DUSP22: variants seen among roughly 807,000 people sequenced by gnomAD.
The protein encoded by DUSP22 is dual specificity phosphatase 22.
In DUSP22, 24 loss-of-function variants were observed where a neutral mutation model predicts 24.5. That is an observed-to-expected ratio of 0.98 (90% CI 0.71 to 1.38). DUSP22 has a LOEUF of 1.38. Ranked by LOEUF, DUSP22 falls within the 40% of genes most tolerant of loss-of-function variation. The pLI is 0.00. For synonymous variants in DUSP22, 160 were observed against 106.4 expected (o/e 1.50, Z -3.10); for missense variants, 330 against 269.2 (o/e 1.23, Z -1.58).
At chr6:309,383 A>G (rs1757963896) in intron 2 of DUSP22, among the ~76,000 whole-genome samples, 1 of 152,306 alleles carries the variant, frequency 6.6e-6, no homozygotes, top group African/African-American at 2.4e-5. Context: ...ACTTAGGCAA[A>G]ATACTTGAAA....
In DUSP22 at chr6:351,250, G is replaced by A; in HGVS notation, c.*2299G>A. 4.3e-6 allele frequency: 1 copy of A among 233,550 alleles called. No homozygotes were observed. The highest frequency in any genetic ancestry group is 8.3e-6 in the Non-Finnish European group (1 of 119,926). The allele number at this position is 233,550 out of a possible 1,614,324, so 14.5% of individuals were successfully genotyped here. A position where few individuals can be genotyped will look rare whatever the true frequency, so the allele number is the denominator to read the frequency against. On this transcript the variant is annotated 3_prime_UTR_variant, in exon 7 of 7. Transcript: ENST00000419235. ...TGTGTTCTCAAATTCCCCAGCTTGG[G>A]AAATAGCCCTTGGTGTGGGTTTTAT...
In DUSP22 at chr6:292,523, G is replaced by T. The variant is rs1485892647; in HGVS notation, c.-17G>T. On this transcript the variant is annotated 5_prime_UTR_variant, in exon 1 of 7. Coordinates refer to ENST00000419235, the MANE Select transcript of DUSP22 (RefSeq NM_001286555.3). ...GCGACCACACGGCCGGGGCGCTAGC[G>T]TTCGCCTTCAGCCACCATGGGGAAT... 2.5e-6 allele frequency: 4 copies of T among 1,604,918 alleles called. No homozygotes were observed. In the Admixed American group the frequency reaches 5.1e-5, roughly 20 times the overall value.
chr6:315,502 T>G (rs1445678036), intron 3 of DUSP22, among the ~76,000 whole-genome samples: 4 of 152,304 alleles, frequency 2.6e-5, no homozygotes, highest in African/African-American at 7.2e-5. Context: ...CTCTGTTCTC[T>G]CCTAGCACGA....
chr6:342,204 GT>G (rs1259167236), intron 4 of DUSP22, among the ~76,000 whole-genome samples: 1 of 152,308 alleles, frequency 6.6e-6, no homozygotes, highest in Non-Finnish European at 1.5e-5. Flanking sequence ...GTGCTCTGTG[GT>G]TTTTCATTTA....
chr6:338,121 C>G (rs1759445423), intron 4 of DUSP22: 1 of 152,450 alleles, frequency 6.6e-6, no homozygotes, highest in Admixed American at 6.5e-5. Context: ...GAGTCATGCT[C>G]TTGTGTGATT....
chr6:310,598 C>T (rs1758037892), intron 2 of DUSP22, among the ~76,000 whole-genome samples: 1 of 152,298 alleles, frequency 6.6e-6, no homozygotes, highest in African/African-American at 2.4e-5. Context: ...AACCACAGTC[C>T]TGTCTGAATC....
chr6:292,612 C>G (rs568297421), intron 1 of DUSP22, 52 bp downstream of exon 1: 3 of 1,570,494 alleles, frequency 1.9e-6, no homozygotes, highest in African/African-American at 2.8e-5. Context: ...GACGCCCTGC[C>G]GTCTCGCCGG....
At chr6:329,033 T>C (rs1166204827) in intron 3 of DUSP22, among the ~76,000 whole-genome samples, 2 of 152,308 alleles carry the variant, frequency 1.3e-5, no homozygotes, top group African/African-American at 4.8e-5. Flanking sequence ...TCAAAATGCA[T>C]GTGCCACGCA....
At chr6:311,746 G>A (rs1359482677) in intron 2 of DUSP22, 134 bp from the exon 3 acceptor site, 8 of 936,254 alleles carry the variant, frequency 8.5e-6, no homozygotes, top group Non-Finnish European at 7.8e-6. Flanking sequence ...TTTCCTACAT[G>A]TATGGTCAGT....
At chr6:328,827 G>C (rs566124017) in intron 3 of DUSP22, among the ~76,000 whole-genome samples, 2 of 152,304 alleles carry the variant, frequency 1.3e-5, no homozygotes, top group African/African-American at 4.8e-5. Context: ...ACAAAAAAGA[G>C]AGGAGAGGTC....
In DUSP22 at chr6:339,496, A is replaced by T. The variant is rs1219840467; in HGVS notation, c.188+4333A>T. On this transcript the variant is annotated intron_variant, in intron 4 of 6. Coordinates refer to ENST00000419235, the MANE Select transcript of DUSP22 (RefSeq NM_001286555.3). The stretch of plus-strand genomic sequence containing the variant: ...ATATTTACTCATCTTGCTTTAATAT[A>T]TATTACATTGGCATTTTGTACTTTG... Among the ~76,000 whole-genome samples, 4 of 152,424 alleles carry T rather than the reference A, an allele frequency of 2.6e-5. No homozygotes were observed. In the East Asian group the frequency reaches 7.7e-4, roughly 29 times the overall value.
At chr6:319,743 G>A (rs1424424938) in intron 3 of DUSP22, among the ~76,000 whole-genome samples, 2 of 152,296 alleles carry the variant, frequency 1.3e-5, no homozygotes, top group African/African-American at 4.8e-5. Flanking sequence ...ATGGTTTTCA[G>A]ATTGACAGTT....
chr6:331,146 G>A (rs567318875), intron 3 of DUSP22, among the ~76,000 whole-genome samples: 219 of 152,350 alleles, frequency 1.4e-3, no homozygotes, highest in Non-Finnish European at 2.5e-3. Flanking sequence ...GTGTACTCGA[G>A]ATTGAAGCAC....
intron 3 of DUSP22, among the ~76,000 whole-genome samples, chr6:328,895 A>C (rs1165337302): frequency 6.6e-6 from 1 of 152,306 alleles, no homozygotes; most frequent in Non-Finnish European, 1.5e-5. Flanking sequence ...GTCCATAGGC[A>C]TACGTAAGTT....
intron 2 of DUSP22, among the ~76,000 whole-genome samples, chr6:310,949 A>G (rs1276809951): frequency 2.0e-5 from 3 of 152,308 alleles, no homozygotes; most frequent in Admixed American, 6.5e-5. Flanking sequence ...AAGCTGAGGC[A>G]AAATTAATAC....
At chr6:313,655 G>A (rs897141216) in intron 3 of DUSP22, among the ~76,000 whole-genome samples, 5 of 152,290 alleles carry the variant, frequency 3.3e-5, no homozygotes, top group African/African-American at 9.6e-5. Flanking sequence ...TGTAGTCTCC[G>A]GGTGCTATTA....
chr6:316,781 GCCTTCA>G (rs1397297026), intron 3 of DUSP22, among the ~76,000 whole-genome samples: 1 of 152,302 alleles, frequency 6.6e-6, no homozygotes, highest in Non-Finnish European at 1.5e-5. Context: ...GTATTCTCAT[GCCTTCA>G]CTAAGCTTCT....
chr6:311,744 A>C (rs1216068795), intron 2 of DUSP22, 136 bp from the exon 3 acceptor site: 1 of 917,168 alleles, frequency 1.1e-6, no homozygotes, highest in Admixed American at 3.2e-5. Flanking sequence ...AGTTTCCTAC[A>C]TGTATGGTCA....
At chr6:314,145 C>T (rs1158134383) in intron 3 of DUSP22, among the ~76,000 whole-genome samples, 1 of 152,308 alleles carries the variant, frequency 6.6e-6, no homozygotes, top group Admixed American at 6.5e-5. Context: ...AGCGGGGAGA[C>T]TGTGCGAGGT....
Sources: gnomAD v4.1 joint callset for allele counts (sites outside exome capture counted in the v4.1 genomes callset) on GRCh38, gnomAD v4.1.1 for gene constraint, MANE v1.5 for transcripts, NCBI Gene and HGNC (gene_info 2026-07-23, HGNC 2026-07-21) for gene names.